The following DDX17 variants were observed in gnomAD, a reference collection of about 807,000 sequenced individuals.
The protein encoded by DDX17 is probable ATP-dependent RNA helicase DDX17.
Under a neutral mutation model 80.8 loss-of-function variants are expected in DDX17, and 10 were observed. That is an observed-to-expected ratio of 0.12 (90% CI 0.08 to 0.21). The LOEUF (loss-of-function observed/expected upper bound fraction) is 0.21, where lower values mean the gene tolerates loss of function less well. DDX17 is among the 10% of genes least tolerant of loss of function. DDX17 has a pLI of 1.00. For missense variants in DDX17, 586 were observed against 957.4 expected, an observed-to-expected ratio of 0.61 and a Z score of 5.12; for synonymous variants, 339 against 336.2, an observed-to-expected ratio of 1.01 and a Z score of -0.09.
Position 38,487,994 on chromosome 22 carries a change from G to T in DDX17, c.1569C>A (p.Thr523=). 2 of 1,614,206 alleles carry T rather than the reference G, an allele frequency of 1.2e-6. No individual in the cohort carries two copies. Among genetic ancestry groups the T allele is most frequent in the Non-Finnish European group, 1.7e-6 (2 of 1,180,040 alleles). ...CTCTGGCCTGTTTTAGGTTCCCTGG[G>T]GTGAAGAAGGTATAGGCGGTACCCT... The change falls in exon 12 of 13, where the codon ACC becomes ACA. Residue 523 remains threonine (T), a synonymous_variant. Coordinates refer to ENST00000403230, the MANE Select transcript of DDX17 (RefSeq NM_006386.5).
chr22:38,498,342 T>C, intron 4 of DDX17, 98 bp downstream of exon 4: 1 of 1,532,582 alleles, frequency 6.5e-7, no homozygotes, highest in East Asian at 2.3e-5. Context: ...TATCTAACTA[T>C]CTGAATGGCA....
chr22:38,493,089 A>ACT (rs2089729022), intron 10 of DDX17, among the ~76,000 whole-genome samples: 1 of 152,206 alleles, frequency 6.6e-6, no homozygotes, highest in Non-Finnish European at 1.5e-5. Flanking sequence ...TACCCTCAGT[A>ACT]ATTCAATCAA....
intron 11 of DDX17, chr22:38,490,903 T>C (rs1212619689): frequency 6.4e-6 from 1 of 157,358 alleles, no homozygotes; most frequent in Non-Finnish European, 1.4e-5. Flanking sequence ...GGTAGCCAAT[T>C]AATTTGGTTT....
At chr22:38,505,205 G>C (rs967762989) in intron 1 of DDX17, 1 of 152,196 alleles carries the variant, frequency 6.6e-6, no homozygotes, top group Non-Finnish European at 1.5e-5. Flanking sequence ...CACCACGCCC[G>C]GTCCACAATA....
intron 10 of DDX17, among the ~76,000 whole-genome samples, chr22:38,492,349 T>A (rs183586672): frequency 6.6e-6 from 1 of 152,326 alleles, no homozygotes; most frequent in East Asian, 1.9e-4. Flanking sequence ...ATAATTAATA[T>A]GAGCTAGATT....
At chr22:38,505,472 G>A (rs2089870966) in intron 1 of DDX17, 1 of 157,518 alleles carries the variant, frequency 6.3e-6, no homozygotes, top group African/African-American at 2.4e-5. Context: ...CTTAAACAGT[G>A]AACTCTGGGG....
Position 38,501,212 on chromosome 22 carries a change from T to G in DDX17, c.356A>C (p.Lys119Thr). Residue 119 changes from lysine (K) to threonine (T), a missense_variant, in exon 2 of 13, where the codon AAA becomes ACA. Physicochemically the swap from Lys to Thr is moderately conservative, Grantham distance 78 (BLOSUM62 -1). Transcript: ENST00000403230. ...GAGCTCACTCAAATCCCACTTTTTT[T>G]TACGCAAACGCTCCCCAGGATTACC... The G allele has an allele frequency of 5.0e-6, 8 of 1,613,948 alleles. No homozygotes were observed. The highest frequency in any genetic ancestry group is 6.8e-6 in the Non-Finnish European group (8 of 1,179,984).
rs373656499 is a variant in DDX17, at chr22:38,499,454, C to G, written c.484G>C (p.Gly162Arg). ...ACGGGTTTAGGACAAACATCTCCCC[C>G]CCTCACTGTAATCTCCTTCTTTCGG... The change falls in exon 3 of 13, where the codon GGG becomes CGG. Residue 162 changes from glycine to arginine, a missense_variant. Physicochemically the swap from Gly to Arg is moderately radical, Grantham distance 125. Around this residue, in one of 4 missense-constraint regions of DDX17, gnomAD observed 215 missense variants for 238.4 expected, o/e 0.90. Coordinates refer to ENST00000403230, the MANE Select transcript of DDX17 (RefSeq NM_006386.5). The G allele has an allele frequency of 5.0e-6, 8 of 1,614,158 alleles. No individual in the cohort carries two copies. The highest frequency in any genetic ancestry group is 1.1e-5 in the South Asian group (1 of 91,088).
At chr22:38,498,054 T>C in intron 5 of DDX17, 31 bp downstream of exon 5, 1 of 1,605,806 alleles carries the variant, frequency 6.2e-7, no homozygotes, top group Non-Finnish European at 8.5e-7. Flanking sequence ...TAGTTTTTCT[T>C]AGAATTACAA....
chr22:38,485,690 ATATATTTTT>A lies in DDX17; in HGVS notation c.*236_*244del. The stretch of plus-strand genomic sequence containing the variant: ...CTTCCAGTCAGCTATATATATATAT[ATATATTTTT>A]TTTTTTTTTACAAAATGTTATTCCA... On this transcript the variant is annotated 3_prime_UTR_variant, in exon 13 of 13. Coordinates refer to ENST00000403230, the MANE Select transcript of DDX17 (RefSeq NM_006386.5). 5.0e-5 allele frequency: 3 copies of A among 60,576 alleles called. No homozygotes were observed. The highest frequency in any genetic ancestry group is 1.0e-4 in the Non-Finnish European group (3 of 28,738). The allele number at this position is 60,576 out of a possible 1,614,324, so 3.8% of individuals were successfully genotyped here. A position where few individuals can be genotyped will look rare whatever the true frequency, so the allele number is the denominator to read the frequency against.
chr22:38,490,211 C>T, intron 11 of DDX17: 1 of 1,207,014 alleles, frequency 8.3e-7, no homozygotes, highest in Non-Finnish European at 1.1e-6. Context: ...ATCTTGCTGC[C>T]TTTCTAGAAG....
At chr22:38,492,293 TCTA>T (rs970074788) in intron 10 of DDX17, among the ~76,000 whole-genome samples, 178 bp from the exon 11 acceptor site, 8 of 152,204 alleles carry the variant, frequency 5.3e-5, no homozygotes, top group Admixed American at 1.3e-4. Flanking sequence ...AATAGTTACC[TCTA>T]CTAATAATGA....
Position 38,485,849 on chromosome 22 carries a change from GA to G in DDX17, c.*85del. The stretch of plus-strand genomic sequence containing the variant: ...AAAAAAAGAAAAAAGGAAAAAAAAA[GA>G]AAAGGCGAAGAGGAAAAAAAAAGGA... On this transcript the variant is annotated 3_prime_UTR_variant, in exon 13 of 13. Transcript: ENST00000403230. 7.3e-7 allele frequency: 1 copy of G among 1,361,878 alleles called. No homozygotes were observed. Among genetic ancestry groups the G allele is most frequent in the Non-Finnish European group, 9.6e-7 (1 of 1,041,908 alleles). 84.4% of individuals were successfully genotyped at this position (1,361,878 alleles called of 1,614,324 possible).
At chr22:38,501,628 C>T (rs2089831847) in intron 1 of DDX17, among the ~76,000 whole-genome samples, 1 of 152,142 alleles carries the variant, frequency 6.6e-6, no homozygotes, top group Non-Finnish European at 1.5e-5. Flanking sequence ...ATTTAACTTC[C>T]ACACACCTTA....
intron 11 of DDX17, chr22:38,490,204 T>G (rs987458379): frequency 8.3e-7 from 1 of 1,204,862 alleles, no homozygotes; most frequent in East Asian, 5.8e-5. Context: ...CAATATTATC[T>G]TGCTGCCTTT....
intron 12 of DDX17, among the ~76,000 whole-genome samples, chr22:38,487,137 C>G (rs2089667908): frequency 6.6e-6 from 1 of 152,090 alleles, no homozygotes; most frequent in Non-Finnish European, 1.5e-5. Context: ...CACTGCACTC[C>G]AGTCTGGGCA....
intron 9 of DDX17, 119 bp from the exon 10 acceptor site, chr22:38,493,890 A>G: frequency 1.6e-6 from 2 of 1,224,502 alleles, no homozygotes; most frequent in East Asian, 2.3e-5. Context: ...TGAATAGATG[A>G]CTGTGCTCAT....
chr22:38,493,964 TAG>T (rs2089737143), intron 9 of DDX17, 55 bp downstream of exon 9: 1 of 1,431,614 alleles, frequency 7.0e-7, no homozygotes, highest in Non-Finnish European at 9.7e-7. Context: ...AATACCAATT[TAG>T]AAATTTCCAG....
At position 38,496,461 on chromosome 22, in the gene DDX17, C is replaced by T. The variant is rs529951482; in HGVS notation, c.739-524G>A. 5.9e-5 allele frequency among the ~76,000 whole-genome samples: 9 copies of T among 152,246 alleles called. No individual in the cohort carries two copies. The South Asian group carries it at 1.2e-3, about 21-fold the overall frequency. On this transcript the variant is annotated intron_variant, in intron 5 of 12. Coordinates refer to ENST00000403230, the MANE Select transcript of DDX17 (RefSeq NM_006386.5). ...TTCCTGGGTTCAAATGATTCTCCTGCGCCTCAGCCTCCTGAGTAGCTGGGA... is the reference window on the plus strand; with the variant it reads ...TTCCTGGGTTCAAATGATTCTCCTGTGCCTCAGCCTCCTGAGTAGCTGGGA...
Sources: gnomAD v4.1 joint callset for allele counts (sites outside exome capture counted in the v4.1 genomes callset) on GRCh38, gnomAD v4.1.1 for gene constraint, gnomAD v4.1.1 regional missense constraint, MANE v1.5 for transcripts, NCBI Gene and HGNC (gene_info 2026-07-23, HGNC 2026-07-21) for gene names.